Variants in NUMB observed in about 807,000 individuals in gnomAD.
NUMB encodes the protein protein numb homolog.
In NUMB, 29 loss-of-function variants were observed where a neutral mutation model predicts 59.7. That is an observed-to-expected ratio of 0.49 (90% CI 0.36 to 0.66). NUMB has a LOEUF of 0.66. NUMB is among the 30% of genes least tolerant of loss of function. The probability of loss-of-function intolerance (pLI) is 0.00; values close to 1 mark genes in which losing one functional copy is unlikely to be tolerated. For missense variants in NUMB, 723 were observed against 822.0 expected, an observed-to-expected ratio of 0.88 and a Z score of 1.47; for synonymous variants, 288 against 288.2, an observed-to-expected ratio of 1.00 and a Z score of 0.01.
intron 7 of NUMB, among the ~76,000 whole-genome samples, chr14:73,296,706 T>G (rs915875955): frequency 6.6e-6 from 1 of 152,104 alleles, no homozygotes; most frequent in East Asian, 1.9e-4. Context: ...AAAAAACATA[T>G]GAGCAGTCCC....
In NUMB at chr14:73,277,167, G is replaced by A; in HGVS notation, c.1367C>T (p.Pro456Leu). The change falls in exon 13 of 13, where the codon CCC (proline) becomes CTC (leucine). Residue 456 changes from proline (P) to leucine (L), a missense_variant. Around this residue, in one of 2 missense-constraint regions of NUMB, gnomAD observed 406 missense variants for 385.4 expected, o/e 1.05. Coordinates refer to ENST00000555238, the MANE Select transcript of NUMB (RefSeq NM_001005743.2). The stretch of plus-strand genomic sequence containing the variant: ...CTGCAGAGGAGCAGCTGAGGCCTGG[G>A]GCTGCTGAGCCCGGACGCTCTTAGA... ...EVSKSVRAQQ[P>L]QASAAPLQPV... The A allele has an allele frequency of 6.2e-7, 1 of 1,614,026 alleles. No homozygotes were observed. Among genetic ancestry groups the A allele is most frequent in the African/African-American group, 1.3e-5 (1 of 75,028 alleles).
intron 3 of NUMB, among the ~76,000 whole-genome samples, chr14:73,356,764 C>T (rs994056577): frequency 1.3e-5 from 2 of 152,136 alleles, no homozygotes; most frequent in Non-Finnish European, 2.9e-5. Flanking sequence ...GTGATCACAG[C>T]TCATTGCAAC....
intron 2 of NUMB, among the ~76,000 whole-genome samples, chr14:73,394,405 T>TAAAA (rs74677402): frequency 2.2e-5 from 3 of 137,418 alleles, no homozygotes; most frequent in East Asian, 2.1e-4. Context: ...CAGTTTTCTT[T>TAAAA]AAAAAAAAAA....
At chr14:73,444,398 C>CAAAAAA (rs568526693) in intron 1 of NUMB, among the ~76,000 whole-genome samples, 1 of 70,968 alleles carries the variant, frequency 1.4e-5, no homozygotes, top group Non-Finnish European at 3.0e-5. Context: ...GACTCCATCT[C>CAAAAAA]AAAAAAAAAA....
Position 73,389,403 on chromosome 14 carries a change from A to G in NUMB, c.-101+20534T>C, listed in dbSNP as rs148418602. ...GTTGGAGTGCAGTGGCACCACTGCA[A>G]TCTTTGTCTCCCAGGTTCAAGCGAT... On this transcript the variant is annotated intron_variant, in intron 2 of 12. Coordinates refer to ENST00000555238, the MANE Select transcript of NUMB (RefSeq NM_001005743.2). Among the ~76,000 whole-genome samples the G allele has an allele frequency of 2.7e-3, 407 of 151,580 alleles. 1 individual carries two copies. The highest frequency in any genetic ancestry group is 9.4e-3 in the African/African-American group (387 of 41,336).
chr14:73,377,105 A>G (rs1894985825), intron 2 of NUMB, among the ~76,000 whole-genome samples: 1 of 152,228 alleles, frequency 6.6e-6, no homozygotes, highest in African/African-American at 2.4e-5. Context: ...ACAGACCTAA[A>G]TGTAAAATGT....
chr14:73,308,871 T>C (rs377327467), intron 6 of NUMB, among the ~76,000 whole-genome samples: 3 of 152,110 alleles, frequency 2.0e-5, no homozygotes, highest in South Asian at 2.1e-4. Context: ...AGTAAGGCGA[T>C]AGGACTACTG....
rs57146032 is a variant in NUMB at position 73,278,045 on chromosome 14, C to CAAAAAAA, written c.1241-759_1241-753dup. ...CTAGTGACACAGCGAGACTCCGTCT[C>CAAAAAAA]AAAAAAAAAAAAAAAAAAAAAAACA... On this transcript the variant is annotated intron_variant, in intron 12 of 12. Coordinates refer to ENST00000555238, the MANE Select transcript of NUMB (RefSeq NM_001005743.2). Among the ~76,000 whole-genome samples, 57 of 69,166 alleles carry CAAAAAAA rather than the reference C, an allele frequency of 8.2e-4. 2 individuals are homozygous for CAAAAAAA. The highest frequency in any genetic ancestry group is 3.2e-3 in the African/African-American group (53 of 16,602). The allele number at this position is 69,166 out of a possible 152,430, so 45.4% of individuals were successfully genotyped here. A position where few individuals can be genotyped will look rare whatever the true frequency, so the allele number is the denominator to read the frequency against.
chr14:73,289,550 G>T (rs1594866833), intron 8 of NUMB, among the ~76,000 whole-genome samples: 1 of 152,168 alleles, frequency 6.6e-6, no homozygotes, highest in East Asian at 1.9e-4. Flanking sequence ...ACACGGCTCT[G>T]AACAAGTCGT....
chr14:73,430,007 C>T (rs562451922), intron 1 of NUMB, among the ~76,000 whole-genome samples: 8 of 151,748 alleles, frequency 5.3e-5, no homozygotes, highest in African/African-American at 1.4e-4. Flanking sequence ...ACCTATACTG[C>T]ATTTACATAC....
At chr14:73,446,121 C>G (rs895831541) in intron 1 of NUMB, among the ~76,000 whole-genome samples, 5 of 149,524 alleles carry the variant, frequency 3.3e-5, no homozygotes, top group Admixed American at 3.3e-4. Flanking sequence ...CTCAGCCTCC[C>G]GAGTAGCTGG....
chr14:73,340,237 T>C lies in NUMB; in HGVS notation c.126+15389A>G, dbSNP rs144434236. Among the ~76,000 whole-genome samples, 62 of 152,290 alleles carry C rather than the reference T, an allele frequency of 4.1e-4. 1 individual carries two copies. Among genetic ancestry groups the C allele is most frequent in the African/African-American group, 1.4e-3 (60 of 41,560 alleles). On this transcript the variant is annotated intron_variant, in intron 4 of 12. Coordinates refer to ENST00000555238, the MANE Select transcript of NUMB (RefSeq NM_001005743.2). ...GCTTTCCAACCTTGAGAATAGTAGATTACGAAGACAGAGACTTACTTTGGA... is the reference window on the plus strand; with the variant it reads ...GCTTTCCAACCTTGAGAATAGTAGACTACGAAGACAGAGACTTACTTTGGA...
At chr14:73,289,170 G>A (rs1249336191) in intron 8 of NUMB, among the ~76,000 whole-genome samples, 2 of 151,260 alleles carry the variant, frequency 1.3e-5, no homozygotes. Context: ...TCTTCCTCTA[G>A]CTCTAATTCC....
chr14:73,434,663 C>T (rs967689861), intron 1 of NUMB, among the ~76,000 whole-genome samples: 3 of 151,816 alleles, frequency 2.0e-5, no homozygotes, highest in Admixed American at 1.3e-4. Flanking sequence ...GTGAGGAGTT[C>T]GAGACCAGCC....
At chr14:73,312,607 G>A (rs1035961276) in intron 6 of NUMB, among the ~76,000 whole-genome samples, 5 of 151,756 alleles carry the variant, frequency 3.3e-5, no homozygotes, top group African/African-American at 9.7e-5. Context: ...CCAGCTACTC[G>A]AGAGGCTGTG....
At chr14:73,347,743 C>G (rs983781066) in intron 4 of NUMB, among the ~76,000 whole-genome samples, 4 of 152,178 alleles carry the variant, frequency 2.6e-5, no homozygotes, top group Non-Finnish European at 5.9e-5. Context: ...GCAATTCACT[C>G]TCACTCTCCT....
intron 6 of NUMB, among the ~76,000 whole-genome samples, chr14:73,306,318 G>A (rs1890425298): frequency 6.6e-6 from 1 of 152,126 alleles, no homozygotes. Flanking sequence ...AATTGGGGGA[G>A]GGGAGACCTA....
intron 2 of NUMB, among the ~76,000 whole-genome samples, chr14:73,403,921 C>T (rs529640083): frequency 4.6e-5 from 7 of 151,850 alleles, no homozygotes; most frequent in Admixed American, 1.3e-4. Flanking sequence ...GCTGAAACCC[C>T]GTCTCTACTA....
intron 2 of NUMB, among the ~76,000 whole-genome samples, chr14:73,403,971 T>C (rs1230214482): frequency 1.3e-5 from 2 of 151,510 alleles, no homozygotes; most frequent in African/African-American, 2.4e-5. Flanking sequence ...CGCGGCCCTG[T>C]AGTCCCAGCT....
Sources: gnomAD v4.1 joint callset for allele counts (sites outside exome capture counted in the v4.1 genomes callset) on GRCh38, gnomAD v4.1.1 for gene constraint, gnomAD v4.1.1 regional missense constraint, MANE v1.5 for transcripts, NCBI Gene and HGNC (gene_info 2026-07-23, HGNC 2026-07-21) for gene names.